The following ANKRD34B variants were observed in gnomAD, a reference collection of about 807,000 sequenced individuals.
ANKRD34B encodes ankyrin repeat domain-containing protein 34B.
A neutral mutation model predicts 4.4 loss-of-function variants in ANKRD34B; 2 were observed. That is an observed-to-expected ratio of 0.46 (90% CI 0.19 to 1.44). The LOEUF is 1.44. ANKRD34B is among the 40% of genes most tolerant of loss of function. The probability of loss-of-function intolerance (pLI) is 0.26; values close to 1 mark genes in which losing one functional copy is unlikely to be tolerated. For missense variants in ANKRD34B, 558 were observed against 604.7 expected (o/e 0.92, Z 0.81); for synonymous variants, 226 against 227.1 (o/e 0.99, Z 0.05).
chr5:80,558,889 A>C lies in ANKRD34B; in HGVS notation c.1131T>G (p.Ala377=). ...CTTCTGAAGTTGGAGGGGTAAGGCC[A>C]GCTGAGAGCTGGGAATCAGAGCTGT... is the stretch of plus-strand genomic sequence containing the variant. ...NHYSSDSQLS[A]GLTPPTSEDG... is the part of the protein sequence containing the mutation. The change falls in exon 5 of 5, where the codon GCT becomes GCG. Residue 377 remains alanine (A), a synonymous_variant. Coordinates refer to ENST00000338682, the MANE Select transcript of ANKRD34B (RefSeq NM_001004441.3). 5 of 1,614,164 alleles carry C rather than the reference A, an allele frequency of 3.1e-6. No individual in the cohort carries two copies. In the South Asian group the frequency reaches 3.3e-5, roughly 11 times the overall value.
chr5:80,567,788 G>T (rs1046133655), intron 2 of ANKRD34B, among the ~76,000 whole-genome samples: 4 of 151,876 alleles, frequency 2.6e-5, no homozygotes, highest in Non-Finnish European at 5.9e-5. Context: ...TCAGCCCGTC[G>T]CCCTTGCCCC....
In ANKRD34B at chr5:80,566,764, G is replaced by C. The variant is rs1190450380; in HGVS notation, c.-180C>G. The C allele has an allele frequency of 6.6e-6, 1 of 152,586 alleles. No homozygotes were observed. Among genetic ancestry groups the C allele is most frequent in the Non-Finnish European group, 1.5e-5 (1 of 68,024 alleles). 9.5% of individuals were successfully genotyped at this position (152,586 alleles called of 1,614,324 possible). On this transcript the variant is annotated 5_prime_UTR_variant, in exon 3 of 5. Transcript: ENST00000338682. ...TGGATAAGTTTTCTGTCAGCCAGCT[G>C]TCAGTTCCTACTGAAGGAAATCAAA...
rs894427939 is a variant in ANKRD34B, at chr5:80,562,635, G to A, written c.-24+1100C>T. Among the ~76,000 whole-genome samples, 6 of 152,224 alleles carry A rather than the reference G, an allele frequency of 3.9e-5. No homozygotes were observed. The South Asian group carries it at 1.0e-3, about 26-fold the overall frequency. ...CTCAAGAATCTGACATGCCACCCAG[G>A]TCGTACTTACATTTGGTGCCACCGC... On this transcript the variant is annotated intron_variant, in intron 4 of 4. Transcript: ENST00000338682.
At chr5:80,569,989 C>G (rs1049681153) in intron 1 of ANKRD34B, among the ~76,000 whole-genome samples, 165 bp downstream of exon 1, 8 of 152,186 alleles carry the variant, frequency 5.3e-5, no homozygotes, top group African/African-American at 1.9e-4. Flanking sequence ...TCAGGGTGAG[C>G]GGGAGGTGCG....
In ANKRD34B at chr5:80,559,231, T is replaced by A; in HGVS notation, c.789A>T (p.Ser263=). Residue 263 remains serine (S), a synonymous_variant, in exon 5 of 5, where the codon TCA becomes TCT. Transcript: ENST00000338682. ...TAATATCCTGGAGCTCCTCTTGCAA[T>A]GAAGCCACTCTGTTCTGGTGCATTA... ...PLLMHQNRVA[S]LQEELQDITP... 6.2e-7 allele frequency: 1 copy of A among 1,614,140 alleles called. No individual in the cohort carries two copies. The highest frequency in any genetic ancestry group is 1.7e-5 in the Admixed American group (1 of 60,026).
At chr5:80,569,570 AC>A (rs1416668609) in intron 1 of ANKRD34B, among the ~76,000 whole-genome samples, 2 of 150,182 alleles carry the variant, frequency 1.3e-5, no homozygotes, top group African/African-American at 4.9e-5. Flanking sequence ...CTGCCGAGGC[AC>A]CTGCGGAGAC....
intron 4 of ANKRD34B, among the ~76,000 whole-genome samples, chr5:80,563,378 T>C (rs1285413500): frequency 1.3e-5 from 2 of 152,218 alleles, no homozygotes; most frequent in Admixed American, 1.3e-4. Context: ...ATCACTTTTA[T>C]TTACTTATTG....
chr5:80,559,788 T>TG lies in ANKRD34B; in HGVS notation c.231dup (p.Asn78GlnfsTer22), dbSNP rs764975825. On this transcript the variant is annotated frameshift_variant, in exon 5 of 5. Coordinates refer to ENST00000338682, the MANE Select transcript of ANKRD34B (RefSeq NM_001004441.3). LOFTEE classifies it low-confidence loss of function (END_TRUNC). ...GTTTTCCCAGATTTGTCCTGTATGT[T>TG]GGGATCGGCATTGTTCTCTAACAGG... 1.9e-6 allele frequency: 3 copies of TG among 1,614,224 alleles called. No homozygotes were observed. The highest frequency in any genetic ancestry group is 2.5e-6 in the Non-Finnish European group (3 of 1,180,030).
At chr5:80,563,278 G>C (rs998690093) in intron 4 of ANKRD34B, among the ~76,000 whole-genome samples, 5 of 152,122 alleles carry the variant, frequency 3.3e-5, no homozygotes, top group Admixed American at 2.0e-4. Flanking sequence ...TTCAGGTGAT[G>C]TTCTATTTCC....
intron 3 of ANKRD34B, among the ~76,000 whole-genome samples, chr5:80,564,702 C>CTTTTTTTTT (rs34992073): frequency 9.0e-6 from 1 of 111,544 alleles, no homozygotes; most frequent in East Asian, 2.7e-4. Context: ...TTGCTCACTT[C>CTTTTTTTTT]TTTTTTTTTT....
chr5:80,559,530 T>C lies in ANKRD34B; in HGVS notation c.490A>G (p.Lys164Glu), dbSNP rs1746354762. The C allele has an allele frequency of 3.1e-6, 5 of 1,614,214 alleles. No individual in the cohort carries two copies. The highest frequency in any genetic ancestry group is 4.2e-6 in the Non-Finnish European group (5 of 1,180,044). ...ACAGGAGGCATATTTAAGTATTGTT[T>C]AGTAGTATGCTTCCCACAGGGCAAC... ...AKLPCGKHTT[K>E]QYLNMPPVDI... Residue 164 changes from lysine (K) to glutamate (E), a missense_variant, in exon 5 of 5, where the codon AAA becomes GAA. Transcript: ENST00000338682.
chr5:80,562,104 A>T (rs908019615), intron 4 of ANKRD34B, among the ~76,000 whole-genome samples: 1 of 100,270 alleles, frequency 1.0e-5, no homozygotes. Context: ...TGTGTGTGTG[A>T]AGAATACAGC....
Position 80,559,968 on chromosome 5 carries a change from C to T in ANKRD34B, c.52G>A (p.Val18Ile), listed in dbSNP as rs1746372764. Residue 18 changes from valine to isoleucine, a missense_variant, in exon 5 of 5, where the codon GTC becomes ATC. Val to Ile is a conservative substitution (Grantham distance 29, BLOSUM62 3). Transcript: ENST00000338682. ...SSEGNSLIKA[V>I]HQSRLRLTRL... ...GTGAGGCGAAGCCGGCTCTGATGGA[C>T]TGCTTTGATCAAGGAATTTCCTTCA... The T allele has an allele frequency of 6.2e-7, 1 of 1,606,266 alleles. No individual in the cohort carries two copies. The highest frequency in any genetic ancestry group is 8.5e-7 in the Non-Finnish European group (1 of 1,176,672).
At chr5:80,561,513 GA>G (rs1366524408) in intron 4 of ANKRD34B, among the ~76,000 whole-genome samples, 1 of 152,210 alleles carries the variant, frequency 6.6e-6, no homozygotes, top group Non-Finnish European at 1.5e-5. Flanking sequence ...CATGCAGGCA[GA>G]AATTTCATTG....
Position 80,558,878 on chromosome 5 carries a change from G to C in ANKRD34B, c.1142C>G (p.Pro381Arg). 6.2e-7 allele frequency: 1 copy of C among 1,614,020 alleles called. No homozygotes were observed. Among genetic ancestry groups the C allele is most frequent in the Admixed American group, 1.7e-5 (1 of 60,012 alleles). ...TGCTTTGCCGTCTTCTGAAGTTGGA[G>C]GGGTAAGGCCAGCTGAGAGCTGGGA... ...SDSQLSAGLTPPTSEDGKALI... is the reference protein window; with the variant it reads ...SDSQLSAGLTRPTSEDGKALI... The change falls in exon 5 of 5, where the codon CCT (proline) becomes CGT (arginine). Residue 381 changes from proline to arginine, a missense_variant. Coordinates refer to ENST00000338682, the MANE Select transcript of ANKRD34B (RefSeq NM_001004441.3).
intron 3 of ANKRD34B, among the ~76,000 whole-genome samples, chr5:80,566,264 A>T (rs1462494442): frequency 6.6e-6 from 1 of 152,102 alleles, no homozygotes; most frequent in East Asian, 1.9e-4. Context: ...GACATTTAGG[A>T]CTTAGAGGTC....
At chr5:80,567,632 AAAAAG>A (rs1164132978) in intron 2 of ANKRD34B, among the ~76,000 whole-genome samples, 1,537 of 112,874 alleles carry the variant, frequency 0.014, 6 homozygotes, top group East Asian at 0.036. Flanking sequence ...AAAAAAAAAA[AAAAAG>A]AAAAGAAAAG....
rs750968062 is a variant in ANKRD34B, at chr5:80,559,544, C to T, written c.476G>A (p.Gly159Glu). Residue 159 changes from glycine to glutamate, a missense_variant, in exon 5 of 5, where the codon GGG becomes GAG. By Grantham distance (98) the Gly-to-Glu change is moderately conservative. Coordinates refer to ENST00000338682, the MANE Select transcript of ANKRD34B (RefSeq NM_001004441.3). ...IIITTAKLPCGKHTTKQYLNM... is the reference protein window; with the variant it reads ...IIITTAKLPCEKHTTKQYLNM... Reference sequence around the variant, plus strand: ...TAAGTATTGTTTAGTAGTATGCTTCCCACAGGGCAACTTTGCTGTTGTGAT... The same window carrying T: ...TAAGTATTGTTTAGTAGTATGCTTCTCACAGGGCAACTTTGCTGTTGTGAT... 13 of 1,614,124 alleles carry T rather than the reference C, an allele frequency of 8.1e-6. No homozygotes were observed. Among genetic ancestry groups the T allele is most frequent in the Non-Finnish European group, 1.0e-5 (12 of 1,180,028 alleles).
chr5:80,567,638 AAAAG>A (rs1299592488), intron 2 of ANKRD34B, among the ~76,000 whole-genome samples: 1 of 144,596 alleles, frequency 6.9e-6, no homozygotes, highest in African/African-American at 2.5e-5. Context: ...AAAAAAAAAG[AAAAG>A]AAAAGAAAAG....
Sources: allele counts gnomAD v4.1 joint callset (sites outside exome capture counted in the v4.1 genomes callset), GRCh38; gene constraint gnomAD v4.1.1; transcripts MANE v1.5; gene names NCBI Gene and HGNC (gene_info 2026-07-23, HGNC 2026-07-21).